ANKRD16: variants seen among roughly 807,000 people sequenced by gnomAD.
ANKRD16 encodes ankyrin repeat domain 16.
A neutral mutation model predicts 37.9 loss-of-function variants in ANKRD16; 35 were observed. The ratio of observed to expected loss-of-function variants is 0.92; its 90% CI spans 0.71 to 1.23. The LOEUF (loss-of-function observed/expected upper bound fraction) is 1.23. Ranked by LOEUF, ANKRD16 falls within the 50% of genes most tolerant of loss-of-function variation. The pLI, the probability that ANKRD16 is intolerant of heterozygous loss-of-function variation, is 0.00. For synonymous variants in ANKRD16, 206 were observed against 197.2 expected, an observed-to-expected ratio of 1.04 and a Z score of -0.37; for missense variants, 480 against 469.9, an observed-to-expected ratio of 1.02 and a Z score of -0.20.
Position 5,863,998 on chromosome 10 carries a change from G to C in ANKRD16, c.*34-1307C>G, listed in dbSNP as rs1270798388. 6.6e-6 allele frequency among the ~76,000 whole-genome samples: 1 copy of C among 152,052 alleles called. No individual in the cohort carries two copies. Among genetic ancestry groups the C allele is most frequent in the Admixed American group, 6.5e-5 (1 of 15,274 alleles). On this transcript the variant is annotated intron_variant, in intron 7 of 7. Transcript: ENST00000380094. This position sits in a 1 kb window ranked among gnomAD's most constrained non-coding sequence, Gnocchi z 4.7. The stretch of plus-strand genomic sequence containing the variant: ...TTTGACCCACAAACCCTGAAAAAGA[G>C]GTGGCTCATTTTTTTCTGCACTACA...
chr10:5,862,306 G>A lies in ANKRD16; in HGVS notation c.*419C>T. On this transcript the variant is annotated 3_prime_UTR_variant, in exon 8 of 8. Transcript: ENST00000380094. The surrounding 1 kb of genome is among the most constrained non-coding windows in gnomAD (Gnocchi z 6.5). ...TCATCAGAAGTGGTGCTACCACTGTGTTTCATGTTTTTGTGTTTCTTTCTT... is the reference window on the plus strand; with the variant it reads ...TCATCAGAAGTGGTGCTACCACTGTATTTCATGTTTTTGTGTTTCTTTCTT... 2.5e-6 allele frequency: 1 copy of A among 398,990 alleles called. No homozygotes were observed. Among genetic ancestry groups the A allele is most frequent in the South Asian group, 1.9e-5 (1 of 53,604 alleles). The allele number at this position is 398,990 out of a possible 1,614,324, so 24.7% of individuals were successfully genotyped here.
intron 7 of ANKRD16, among the ~76,000 whole-genome samples, chr10:5,877,335 A>T (rs1842200791): frequency 6.6e-6 from 1 of 151,092 alleles, no homozygotes; most frequent in South Asian, 2.1e-4. Context: ...CTGGTCTTGA[A>T]CTCCCGGCCT....
chr10:5,873,605 A>T (rs1842137700), intron 7 of ANKRD16, among the ~76,000 whole-genome samples: 1 of 152,118 alleles, frequency 6.6e-6, no homozygotes, highest in Non-Finnish European at 1.5e-5. Flanking sequence ...AAAGTCTGGG[A>T]GATTAAAAGG....
In ANKRD16 at chr10:5,881,438, T is replaced by TTATAAATAAATATATA. The variant is rs1422263395; in HGVS notation, c.850-1063_850-1062insTATATATTTATTTATA. The stretch of plus-strand genomic sequence containing the variant: ...ATATTTTATAAAATAAAAATATTAT[T>TTATAAATAAATATATA]TATATATATATATATATATATATAT... On this transcript the variant is annotated intron_variant, in intron 5 of 7. Coordinates refer to ENST00000380094, the MANE Select transcript of ANKRD16 (RefSeq NM_019046.3). Among the ~76,000 whole-genome samples, 4 of 51,018 alleles carry TTATAAATAAATATATA rather than the reference T, an allele frequency of 7.8e-5. No individual in the cohort carries two copies. In the South Asian group the frequency reaches 1.9e-3, roughly 24 times the overall value. 33.5% of individuals were successfully genotyped at this position (51,018 alleles called of 152,430 possible).
intron 7 of ANKRD16, among the ~76,000 whole-genome samples, chr10:5,877,034 A>G (rs1037351965): frequency 2.0e-5 from 3 of 152,242 alleles, no homozygotes; most frequent in Admixed American, 2.0e-4. Context: ...ACAGGCCAGA[A>G]AAATGGGTTT....
chr10:5,884,069 T>C lies in ANKRD16; in HGVS notation c.587A>G (p.Tyr196Cys), dbSNP rs144881080. ...ACAGTTGTCTCTGTAGTCTGGTTCA[T>C]ATTGGCACCTAGAGCCAAAACCCCA... is the stretch of plus-strand genomic sequence containing the variant. ...AVKVLLKRCQ[Y>C]EPDYRDNCGV... Residue 196 changes from tyrosine to cysteine, a missense_variant, in exon 4 of 8, where the codon TAT (tyrosine) becomes TGT (cysteine). Transcript: ENST00000380094. The C allele has an allele frequency of 3.6e-4, 585 of 1,613,882 alleles. No homozygotes were observed. The highest frequency in any genetic ancestry group is 4.9e-4 in the Middle Eastern group (3 of 6,062).
In ANKRD16 at chr10:5,878,247, G is replaced by C. The variant is rs930128528; in HGVS notation, c.969C>G (p.Ala323=). ...LACAGQHLAC[A]KFLLQSGLKD... The stretch of plus-strand genomic sequence containing the variant: ...TCAGTCCCGACTGCAGGAGAAACTT[G>C]GCACAGGCCAAGTGCTGACCTGCAC... The change falls in exon 7 of 8, where the codon GCC becomes GCG. Residue 323 remains alanine, a synonymous_variant. Coordinates refer to ENST00000380094, the MANE Select transcript of ANKRD16 (RefSeq NM_019046.3). This position sits in a 1 kb window ranked among gnomAD's most constrained non-coding sequence, Gnocchi z 5.1. The C allele has an allele frequency of 6.2e-6, 10 of 1,614,048 alleles. No individual in the cohort carries two copies. The highest frequency in any genetic ancestry group is 8.5e-6 in the Non-Finnish European group (10 of 1,180,016).
rs1183095227 is a variant in ANKRD16, at chr10:5,874,323, G to A, written c.*33+3774C>T. ...AGAAATCCTGGCAAGTGTAGTACGT[G>A]CTCTGGGAGGCAGGTTAAGCCACAA... is the stretch of plus-strand genomic sequence containing the variant. On this transcript the variant is annotated intron_variant, in intron 7 of 7. Transcript: ENST00000380094. This position sits in a 1 kb window ranked among gnomAD's most constrained non-coding sequence, Gnocchi z 4.7. 6.6e-6 allele frequency among the ~76,000 whole-genome samples: 1 copy of A among 152,266 alleles called. No individual in the cohort carries two copies. Among genetic ancestry groups the A allele is most frequent in the Admixed American group, 6.5e-5 (1 of 15,292 alleles).
At position 5,871,415 on chromosome 10, in the gene ANKRD16, A is replaced by G. The variant is rs1490063661; in HGVS notation, c.*33+6682T>C. Among the ~76,000 whole-genome samples, 2 of 151,768 alleles carry G rather than the reference A, an allele frequency of 1.3e-5. No individual in the cohort carries two copies. Among genetic ancestry groups the G allele is most frequent in the East Asian group, 1.9e-4 (1 of 5,182 alleles). On this transcript the variant is annotated intron_variant, in intron 7 of 7. Coordinates refer to ENST00000380094, the MANE Select transcript of ANKRD16 (RefSeq NM_019046.3). This position sits in a 1 kb window ranked among gnomAD's most constrained non-coding sequence, Gnocchi z 4.5. The stretch of plus-strand genomic sequence containing the variant: ...TAAATAAATAAATAAATAAATAAAT[A>G]AATAAATAAATATCACACCACATCA...
At position 5,889,127 on chromosome 10, in the gene ANKRD16, G is replaced by T. The variant is rs768955233; in HGVS notation, c.228C>A (p.His76Gln). The change falls in exon 1 of 8, where the codon CAC (histidine) becomes CAA (glutamine). Residue 76 changes from histidine (H) to glutamine (Q), a missense_variant. His to Gln is a conservative substitution (Grantham distance 24, BLOSUM62 0). Transcript: ENST00000380094. The stretch of plus-strand genomic sequence containing the variant: ...CTCGGTGGCCCATGGAGGCCGCCTC[G>T]TGCAGAGGCCGCTTGTAGTCTCGGT... ...ATNRDYKRPLHEAASMGHRDC... is the reference protein window; with the variant it reads ...ATNRDYKRPLQEAASMGHRDC... 6 of 1,597,680 alleles carry T rather than the reference G, an allele frequency of 3.8e-6. No homozygotes were observed. The highest frequency in any genetic ancestry group is 5.1e-6 in the Non-Finnish European group (6 of 1,178,770).
intron 3 of ANKRD16, 39 bp from the exon 4 acceptor site, chr10:5,884,116 A>C (rs3750657): frequency 0.46 from 706,748 of 1,547,004 alleles, 167,081 homozygotes; most frequent in African/African-American, 0.58. Context: ...AGAAAATTCA[A>C]TACCTCAAAC....
At chr10:5,887,573 G>A (rs962097507) in intron 2 of ANKRD16, among the ~76,000 whole-genome samples, 4 of 152,072 alleles carry the variant, frequency 2.6e-5, no homozygotes, top group Non-Finnish European at 5.9e-5. Context: ...TAGTAGAGAC[G>A]GCGTTTCACC....
chr10:5,883,188 A>G, intron 4 of ANKRD16, 21 bp from the exon 5 acceptor site: 2 of 1,608,664 alleles, frequency 1.2e-6, no homozygotes, highest in African/African-American at 1.3e-5. Context: ...GAGGAGAGAA[A>G]GGAGCAAAGG....
At chr10:5,886,484 G>A (rs959932054) in intron 2 of ANKRD16, among the ~76,000 whole-genome samples, 1 of 152,170 alleles carries the variant, frequency 6.6e-6, no homozygotes, top group East Asian at 1.9e-4. Flanking sequence ...CCAGCTTCTC[G>A]GGAGACTGAG....
At position 5,873,289 on chromosome 10, in the gene ANKRD16, C is replaced by G. The variant is rs552650737; in HGVS notation, c.*33+4808G>C. ...TCATGATCCGCCCGCCTCGGCCTCC[C>G]AAAGTGCTGGGATAACAGGCATGAG... On this transcript the variant is annotated intron_variant, in intron 7 of 7. Coordinates refer to ENST00000380094, the MANE Select transcript of ANKRD16 (RefSeq NM_019046.3). Among the ~76,000 whole-genome samples, 601 of 152,238 alleles carry G rather than the reference C, an allele frequency of 3.9e-3. 2 individuals carry two copies. Among genetic ancestry groups the G allele is most frequent in the African/African-American group, 0.012 (511 of 41,530 alleles).
At position 5,889,118 on chromosome 10, in the gene ANKRD16, G is replaced by A. The variant is rs1290201084; in HGVS notation, c.237C>T (p.Ala79=). Residue 79 remains alanine, a synonymous_variant, in exon 1 of 8, where the codon GCC becomes GCT. Transcript: ENST00000380094. Reference sequence around the variant, plus strand: ...GCACGCAGTCTCGGTGGCCCATGGAGGCCGCCTCGTGCAGAGGCCGCTTGT... The same window carrying A: ...GCACGCAGTCTCGGTGGCCCATGGAAGCCGCCTCGTGCAGAGGCCGCTTGT... The part of the protein sequence containing the change: ...RDYKRPLHEA[A]SMGHRDCVRY... 4 of 1,596,050 alleles carry A rather than the reference G, an allele frequency of 2.5e-6. No individual in the cohort carries two copies. The highest frequency in any genetic ancestry group is 2.2e-5 in the South Asian group (2 of 90,774).
rs183780638 is a variant in ANKRD16 at position 5,862,150 on chromosome 10, G to T, written c.*575C>A. 8 of 211,372 alleles carry T rather than the reference G, an allele frequency of 3.8e-5. No individual in the cohort carries two copies. The East Asian group carries it at 1.0e-3, about 27-fold the overall frequency. The allele number at this position is 211,372 out of a possible 1,614,324, so 13.1% of individuals were successfully genotyped here. On this transcript the variant is annotated 3_prime_UTR_variant, in exon 8 of 8. Coordinates refer to ENST00000380094, the MANE Select transcript of ANKRD16 (RefSeq NM_019046.3). This position sits in a 1 kb window ranked among gnomAD's most constrained non-coding sequence, Gnocchi z 6.5. ...GATCTCCTGACCTCATGATCCTCCC[G>T]CCTCGGCCTCCCAAAGTGCTGGGAT...
In ANKRD16 at chr10:5,883,123, GT is replaced by G. The variant is rs1842348047; in HGVS notation, c.731del (p.His244ProfsTer23). The G allele has an allele frequency of 6.2e-7, 1 of 1,613,938 alleles. No individual in the cohort carries two copies. Among genetic ancestry groups the G allele is most frequent in the Non-Finnish European group, 8.5e-7 (1 of 1,180,042 alleles). On this transcript the variant is annotated frameshift_variant, in exon 5 of 8. Transcript: ENST00000380094. LOFTEE classifies it high-confidence loss of function. ...AEDSLGAQAL[H>X]RAAVTGQDEA... ...CGTCCTGCCCTGTGACAGCTGCCCT[GT>G]GCAGAGCCTGGGCACCCAGGCTGTC... is the stretch of plus-strand genomic sequence containing the variant.
At chr10:5,887,216 A>G (rs1337381126) in intron 2 of ANKRD16, among the ~76,000 whole-genome samples, 1 of 152,218 alleles carries the variant, frequency 6.6e-6, no homozygotes, top group African/African-American at 2.4e-5. Flanking sequence ...TAATTTCCTT[A>G]CCCAAGGTCA....
Sources: gnomAD v4.1 joint callset for allele counts (sites outside exome capture counted in the v4.1 genomes callset) on GRCh38, gnomAD v4.1.1 for gene constraint, Gnocchi (gnomAD v3.1) non-coding constraint, MANE v1.5 for transcripts, NCBI Gene and HGNC (gene_info 2026-07-23, HGNC 2026-07-21) for gene names.